The following STT3A variants were observed in gnomAD, a reference collection of about 807,000 sequenced individuals.
STT3A encodes the protein dolichyl-diphosphooligosaccharide--protein glycosyltransferase subunit STT3A.
A neutral mutation model predicts 89.2 loss-of-function variants in STT3A; 34 were observed. That is an observed-to-expected ratio of 0.38 (90% CI 0.29 to 0.51). The LOEUF is 0.51. Among genes scored for constraint, STT3A ranks in the 20% least tolerant of loss-of-function variants. The pLI, the probability that STT3A is intolerant of heterozygous loss-of-function variation, is 0.89. For missense variants in STT3A, 555 were observed against 889.5 expected (o/e 0.62, Z 4.78); for synonymous variants, 282 against 310.3 (o/e 0.91, Z 0.96).
intron 8 of STT3A, among the ~76,000 whole-genome samples, chr11:125,607,444 C>T (rs1939872006): frequency 6.6e-6 from 1 of 152,206 alleles, no homozygotes; most frequent in South Asian, 2.1e-4. Flanking sequence ...AAGTTTTGGT[C>T]TTCTTACAGG....
In STT3A at chr11:125,613,834, T is replaced by TGTTA. The variant is rs2135940202; in HGVS notation, c.1555-250_1555-247dup. On this transcript the variant is annotated intron_variant, in intron 13 of 17. Transcript: ENST00000392708. This position sits in a 1 kb window ranked among gnomAD's most constrained non-coding sequence, Gnocchi z 4.2. Reference sequence around the variant, plus strand: ...GTCTCCCACACCTCCCACCCCATTATGTTAGTATAAAGTGACCTGGGATGA... The same window carrying TGTTA: ...GTCTCCCACACCTCCCACCCCATTATGTTAGTTAGTATAAAGTGACCTGGGATGA... The TGTTA allele has an allele frequency of 2.4e-6, 1 of 419,638 alleles. No individual in the cohort carries two copies. Among genetic ancestry groups the TGTTA allele is most frequent in the African/African-American group, 2.0e-5 (1 of 49,686 alleles). The allele number at this position is 419,638 out of a possible 1,614,324, so 26.0% of individuals were successfully genotyped here.
intron 3 of STT3A, among the ~76,000 whole-genome samples, chr11:125,599,202 C>G (rs372140319): frequency 4.3e-4 from 65 of 152,302 alleles, no homozygotes; most frequent in African/African-American, 1.5e-3. Context: ...ACCCTCATCT[C>G]TTCTGTTTCT....
At chr11:125,592,387 C>T (rs1280562107), upstream of STT3A, 3 of 456,302 alleles carry the variant, frequency 6.6e-6, no homozygotes, top group South Asian at 4.6e-5. Flanking sequence ...CCCTCCTCTC[C>T]TTTCACCTTG....
intron 6 of STT3A, among the ~76,000 whole-genome samples, chr11:125,604,948 A>G (rs1939787790): frequency 6.6e-6 from 1 of 152,110 alleles, no homozygotes; most frequent in Non-Finnish European, 1.5e-5. Flanking sequence ...TAAGAAATAC[A>G]AAAATTAGCT....
chr11:125,620,131 G>A lies in STT3A; in HGVS notation c.2079+5G>A. 1 of 1,611,350 alleles carries A rather than the reference G, an allele frequency of 6.2e-7. No homozygotes were observed. Among genetic ancestry groups the A allele is most frequent in the Non-Finnish European group, 8.5e-7 (1 of 1,177,968 alleles). Reference sequence around the variant, plus strand: ...TGGCTGGTCAGGATATACAAGGTAAGCAGATGCTATACGTCTCAGAAAGCA... The same window carrying A: ...TGGCTGGTCAGGATATACAAGGTAAACAGATGCTATACGTCTCAGAAAGCA... On this transcript the variant is annotated splice_donor_5th_base_variant and intron_variant, in intron 17 of 17. Coordinates refer to ENST00000392708, the MANE Select transcript of STT3A (RefSeq NM_152713.5).
At chr11:125,612,783 CTGTGTGTG>C (rs368068379) in intron 12 of STT3A, 36 bp downstream of exon 12, 1 of 1,565,024 alleles carries the variant, frequency 6.4e-7, no homozygotes, top group Non-Finnish European at 8.7e-7. Flanking sequence ...TTGGGAAACT[CTGTGTGTG>C]TGTGTGTATG....
At chr11:125,600,419 G>A (rs1194404259) in intron 3 of STT3A, among the ~76,000 whole-genome samples, 1 of 152,006 alleles carries the variant, frequency 6.6e-6, no homozygotes, top group African/African-American at 2.4e-5. Context: ...GGAGTGCAAT[G>A]GCATGATCAG....
At chr11:125,594,418 A>G (rs931675604) in intron 1 of STT3A, among the ~76,000 whole-genome samples, 4 of 152,168 alleles carry the variant, frequency 2.6e-5, no homozygotes, top group Admixed American at 2.6e-4. Context: ...CGTCTCTACT[A>G]AAAATACAAA....
intron 5 of STT3A, among the ~76,000 whole-genome samples, chr11:125,603,866 C>T (rs1939759300): frequency 6.6e-6 from 1 of 152,130 alleles, no homozygotes; most frequent in South Asian, 2.1e-4. Context: ...AGATTGGTAG[C>T]CAAACAGCCC....
chr11:125,598,167 A>G (rs1240346469), intron 3 of STT3A, among the ~76,000 whole-genome samples: 1 of 152,110 alleles, frequency 6.6e-6, no homozygotes, highest in Non-Finnish European at 1.5e-5. Context: ...AGCCAAGATC[A>G]TGCCACTGCA....
intron 3 of STT3A, among the ~76,000 whole-genome samples, chr11:125,598,915 G>A (rs1939584455): frequency 6.6e-6 from 1 of 152,106 alleles, no homozygotes; most frequent in South Asian, 2.1e-4. Context: ...GCCTACTTTT[G>A]TTTCTTGATC....
intron 3 of STT3A, among the ~76,000 whole-genome samples, chr11:125,601,643 A>G (rs1939683294): frequency 6.6e-6 from 1 of 151,966 alleles, no homozygotes; most frequent in Non-Finnish European, 1.5e-5. Context: ...AATAAATAAG[A>G]AAGCCAAAAT....
chr11:125,604,870 C>T (rs1030125351), intron 6 of STT3A, among the ~76,000 whole-genome samples: 8 of 152,196 alleles, frequency 5.3e-5, no homozygotes, highest in East Asian at 3.9e-4. Flanking sequence ...CCAGTACTTT[C>T]AGAGGCTGAG....
chr11:125,607,883 C>T (rs1939883519), intron 8 of STT3A, among the ~76,000 whole-genome samples: 1 of 152,096 alleles, frequency 6.6e-6, no homozygotes, highest in Non-Finnish European at 1.5e-5. Context: ...GAGCAAAAGC[C>T]AGAGATGTGA....
At chr11:125,598,434 A>G (rs1446939141) in intron 3 of STT3A, among the ~76,000 whole-genome samples, 1 of 152,166 alleles carries the variant, frequency 6.6e-6, no homozygotes, top group African/African-American at 2.4e-5. Flanking sequence ...TAAAAATAGT[A>G]TATTCAATCT....
intron 15 of STT3A, among the ~76,000 whole-genome samples, chr11:125,616,177 CT>C (rs919230446): frequency 5.9e-5 from 9 of 152,198 alleles, no homozygotes; most frequent in Non-Finnish European, 1.0e-4. Flanking sequence ...ACCCCCACCC[CT>C]ATCCTCACCC....
At chr11:125,616,057 A>G (rs372553427) in intron 15 of STT3A, among the ~76,000 whole-genome samples, 3 of 152,168 alleles carry the variant, frequency 2.0e-5, no homozygotes, top group South Asian at 2.1e-4. Flanking sequence ...AGAAAAAAGA[A>G]AAATGCAAAA....
intron 5 of STT3A, among the ~76,000 whole-genome samples, chr11:125,603,877 A>G (rs1413151664): frequency 6.6e-6 from 1 of 152,188 alleles, no homozygotes; most frequent in East Asian, 1.9e-4. Context: ...CAAACAGCCC[A>G]TTCTGGGACA....
chr11:125,621,017 T>C lies in STT3A; in HGVS notation c.*207T>C, dbSNP rs1591383552. 2.0e-5 allele frequency: 9 copies of C among 460,252 alleles called. No homozygotes were observed. Among genetic ancestry groups the C allele is most frequent in the Admixed American group, 3.9e-5 (1 of 25,610 alleles). 28.5% of individuals were successfully genotyped at this position (460,252 alleles called of 1,614,324 possible). ...TCTAAACAGGTTACCAAATGAAATG[T>C]CATGGCTTTACTTTGGTCAATTAAA... On this transcript the variant is annotated 3_prime_UTR_variant, in exon 18 of 18. Coordinates refer to ENST00000392708, the MANE Select transcript of STT3A (RefSeq NM_152713.5).
Sources: gnomAD v4.1 joint callset for allele counts (sites outside exome capture counted in the v4.1 genomes callset) on GRCh38, gnomAD v4.1.1 for gene constraint, Gnocchi (gnomAD v3.1) non-coding constraint, MANE v1.5 for transcripts, NCBI Gene and HGNC (gene_info 2026-07-23, HGNC 2026-07-21) for gene names.